The following NAE1 variants were observed in gnomAD, a reference collection of about 807,000 sequenced individuals.
The protein encoded by NAE1 is NEDD8-activating enzyme E1 regulatory subunit.
In NAE1, 59 loss-of-function variants were observed where a neutral mutation model predicts 88.0. The ratio of observed to expected loss-of-function variants is 0.67; its 90% CI spans 0.54 to 0.83. The LOEUF is 0.83. Ranked by LOEUF, NAE1 falls within the 40% of genes least tolerant of loss-of-function variation. NAE1 has a pLI of 0.00. For missense variants in NAE1, 554 were observed against 632.8 expected (o/e 0.88, Z 1.34); for synonymous variants, 186 against 208.9 (o/e 0.89, Z 0.95).
intron 4 of NAE1, 42 bp downstream of exon 4, chr16:66,824,813 T>C (rs773401462): frequency 6.4e-7 from 1 of 1,554,648 alleles, no homozygotes; most frequent in South Asian, 1.2e-5. Context: ...CACAGGGGCA[T>C]CATTAGATGC....
chr16:66,821,360 T>C, intron 7 of NAE1, 90 bp downstream of exon 7: 1 of 1,373,980 alleles, frequency 7.3e-7, no homozygotes, highest in East Asian at 2.7e-5. Flanking sequence ...AAATTTACTT[T>C]GTAATTTAAA....
chr16:66,808,447 C>T, intron 17 of NAE1, 74 bp downstream of exon 17: 2 of 1,032,792 alleles, frequency 1.9e-6, no homozygotes, highest in Non-Finnish European at 1.5e-6. Context: ...ATTATAAATA[C>T]CCTGAGAACA....
chr16:66,821,657 T>C (rs984439763), intron 6 of NAE1, 98 bp from the exon 7 acceptor site: 2 of 1,024,058 alleles, frequency 2.0e-6, no homozygotes, highest in Admixed American at 3.2e-5. Context: ...AGCAACTTTC[T>C]TACTAAATAA....
At position 66,806,565 on chromosome 16, in the gene NAE1, C is replaced by T. The variant is rs150669759; in HGVS notation, c.1331-539G>A. 3.4e-3 allele frequency among the ~76,000 whole-genome samples: 520 copies of T among 152,204 alleles called. 2 individuals carry two copies. The highest frequency in any genetic ancestry group is 0.012 in the African/African-American group (483 of 41,530). ...TCAGCCTCCCAAGAAACTGAGACTA[C>T]AGGAGTGCGCCACCACACACAGCTA... On this transcript the variant is annotated intron_variant, in intron 17 of 19. Transcript: ENST00000290810.
At position 66,805,941 on chromosome 16, in the gene NAE1, T is replaced by C; in HGVS notation, c.1416A>G (p.Val472=). Residue 472 remains valine (V), a synonymous_variant, in exon 18 of 20, where the codon GTA becomes GTG. Transcript: ENST00000290810. ...CGTGGACATAATCATCTTTCACCAT[T>C]ACAGATAAACCATATTCCTGAAGGA... ...TGFLQEYGLS[V]MVKDDYVHEF... 1.2e-6 allele frequency: 2 copies of C among 1,612,760 alleles called. No homozygotes were observed. Among genetic ancestry groups the C allele is most frequent in the Non-Finnish European group, 1.7e-6 (2 of 1,179,598 alleles).
At chr16:66,812,523 T>C (rs1381431763) in intron 13 of NAE1, among the ~76,000 whole-genome samples, 1 of 145,504 alleles carries the variant, frequency 6.9e-6, no homozygotes, top group Non-Finnish European at 1.5e-5. Context: ...CTTTTTTTTT[T>C]TTTTTTTTTT....
intron 3 of NAE1, 74 bp from the exon 4 acceptor site, chr16:66,824,959 G>C: frequency 1.5e-6 from 2 of 1,306,164 alleles, no homozygotes; most frequent in South Asian, 2.6e-5. Flanking sequence ...GTAATAGCAT[G>C]CATATTTCAT....
At position 66,808,539 on chromosome 16, in the gene NAE1, G is replaced by T; in HGVS notation, c.1312C>A (p.Gln438Lys). 6.3e-7 allele frequency: 1 copy of T among 1,587,726 alleles called. No homozygotes were observed. Among genetic ancestry groups the T allele is most frequent in the Non-Finnish European group, 8.6e-7 (1 of 1,158,744 alleles). Residue 438 changes from glutamine (Q) to lysine (K), a missense_variant, in exon 17 of 20, where the codon CAA (glutamine) becomes AAA (lysine). Transcript: ENST00000290810. ...TTCTTACCTGGATATCTACCCTGTT[G>T]TTTATGAAATCTATCAACAGCCCGT... The part of the protein sequence containing the change: ...MLRAVDRFHK[Q>K]QGRYPGVSNY...
intron 11 of NAE1, among the ~76,000 whole-genome samples, chr16:66,815,159 AT>A (rs1222355651): frequency 6.6e-6 from 1 of 152,128 alleles, no homozygotes; most frequent in African/African-American, 2.4e-5. Context: ...CACCTGGTGC[AT>A]TTTTATCTGT....
chr16:66,828,128 G>A (rs1960537913), intron 1 of NAE1: 1 of 1,358,418 alleles, frequency 7.4e-7, no homozygotes, highest in East Asian at 2.3e-5. Context: ...TCAAAGTATG[G>A]CACGTAGAAG....
Position 66,805,967 on chromosome 16 carries a change from A to C in NAE1, c.1390T>G (p.Phe464Val), listed in dbSNP as rs1465850330. Residue 464 changes from phenylalanine (F) to valine (V), a missense_variant, in exon 18 of 20, where the codon TTC becomes GTC. By Grantham distance (50) the Phe-to-Val change is conservative. Coordinates refer to ENST00000290810, the MANE Select transcript of NAE1 (RefSeq NM_003905.4). ...ACAGATAAACCATATTCCTGAAGGA[A>C]GCCAGTGAGACAAGACTTCAACTTT... The part of the protein sequence containing the change: ...IGKLKSCLTG[F>V]LQEYGLSVMV... The C allele has an allele frequency of 6.2e-7, 1 of 1,613,672 alleles. No individual in the cohort carries two copies. The highest frequency in any genetic ancestry group is 8.5e-7 in the Non-Finnish European group (1 of 1,179,882).
intron 6 of NAE1, among the ~76,000 whole-genome samples, chr16:66,822,957 C>G (rs1330284224): frequency 2.7e-5 from 4 of 148,704 alleles, no homozygotes; most frequent in African/African-American, 9.8e-5. Context: ...CATGAGCCAC[C>G]GTGCCCAGCC....
intron 19 of NAE1, 124 bp downstream of exon 19, chr16:66,805,653 A>C (rs1255516466): frequency 2.4e-6 from 2 of 819,480 alleles, no homozygotes; most frequent in Non-Finnish European, 3.4e-6. Flanking sequence ...AAAAAAAAAG[A>C]AAGAAATATA....
intron 6 of NAE1, among the ~76,000 whole-genome samples, chr16:66,822,717 G>A (rs1960319659): frequency 6.9e-6 from 1 of 145,578 alleles, no homozygotes; most frequent in Non-Finnish European, 1.5e-5. Flanking sequence ...CACAAGGGCT[G>A]GAGTGTAGTG....
chr16:66,818,669 T>G (rs1960144930), intron 7 of NAE1, 32 bp from the exon 8 acceptor site: 7 of 1,572,082 alleles, frequency 4.5e-6, no homozygotes, highest in African/African-American at 1.4e-5. Context: ...AGGATAAATT[T>G]AACACTTAAA....
intron 1 of NAE1, among the ~76,000 whole-genome samples, chr16:66,829,568 T>C (rs1960609124): frequency 1.3e-5 from 2 of 152,228 alleles, no homozygotes; most frequent in African/African-American, 2.4e-5. Flanking sequence ...ACTACAGCAC[T>C]AGGCTGGTGG....
intron 13 of NAE1, among the ~76,000 whole-genome samples, chr16:66,812,840 T>TTG (rs1176687115): frequency 1.6e-4 from 24 of 148,316 alleles, no homozygotes; most frequent in African/African-American, 5.7e-4. Flanking sequence ...TTTTTTTTTT[T>TTG]GAGACAGAGT....
intron 6 of NAE1, 24 bp from the exon 7 acceptor site, chr16:66,821,583 T>G: frequency 6.7e-7 from 1 of 1,501,508 alleles, no homozygotes; most frequent in South Asian, 1.3e-5. Context: ...AAAAGCAAAA[T>G]ATGAACATAA....
chr16:66,820,426 G>C (rs61029762), intron 7 of NAE1, among the ~76,000 whole-genome samples: 2,405 of 152,262 alleles, frequency 0.016, 56 homozygotes, highest in South Asian at 0.095. Flanking sequence ...AATTGCACCT[G>C]AATTGAGAGA....
Sources: allele counts gnomAD v4.1 joint callset (sites outside exome capture counted in the v4.1 genomes callset), GRCh38; gene constraint gnomAD v4.1.1; transcripts MANE v1.5; gene names NCBI Gene and HGNC (gene_info 2026-07-23, HGNC 2026-07-21).